Variants in ATM observed in about 807,000 individuals in gnomAD.
The protein encoded by ATM is ATM serine/threonine kinase, also known as serine-protein kinase ATM.
Under a neutral mutation model 387.0 loss-of-function variants are expected in ATM, and 308 were observed. The observed-to-expected ratio is 0.80, with a 90% CI of 0.73 to 0.87. The LOEUF (loss-of-function observed/expected upper bound fraction) is 0.87. Among genes scored for constraint, ATM ranks in the 40% least tolerant of loss-of-function variants. ATM has a pLI of 0.00. For missense variants in ATM, 3,312 were observed against 3,560.9 expected, an observed-to-expected ratio of 0.93 and a Z score of 1.78; for synonymous variants, 1,156 against 1,187.3, an observed-to-expected ratio of 0.97 and a Z score of 0.54.
In ATM at chr11:108,301,712, A is replaced by G. The variant is rs876658175; in HGVS notation, c.5242A>G (p.Ser1748Gly). 1.2e-6 allele frequency: 2 copies of G among 1,613,762 alleles called. No individual in the cohort carries two copies. The highest frequency in any genetic ancestry group is 1.7e-6 in the Non-Finnish European group (2 of 1,179,794). Residue 1748 changes from serine (S) to glycine (G), a missense_variant, in exon 35 of 63, where the codon AGT becomes GGT. Ser to Gly is a moderately conservative substitution (Grantham distance 56). This residue lies in a region of ATM where 1,405 missense variants were observed against 1,604.4 expected (regional missense o/e 0.88). Transcript: ENST00000675843. ...KNILATKTGH[S>G]FWEIYKMTTD... ...CATTTTAGCCACAAAGACTGGACATAGTTTCTGGGAGATTTATAAGATGAC... is the reference window on the plus strand; with the variant it reads ...CATTTTAGCCACAAAGACTGGACATGGTTTCTGGGAGATTTATAAGATGAC...
At chr11:108,285,613 T>TC (rs1051153099) in intron 26 of ATM, among the ~76,000 whole-genome samples, 7 of 151,868 alleles carry the variant, frequency 4.6e-5, no homozygotes, top group African/African-American at 1.7e-4. Context: ...AAGGGACCTT[T>TC]TTTTTTTTTA....
chr11:108,235,606 C>T (rs2135119068), intron 4 of ATM, 64 bp from the exon 5 acceptor site: 3 of 1,352,582 alleles, frequency 2.2e-6, no homozygotes, highest in Non-Finnish European at 3.1e-6. Context: ...TAAATAGTTG[C>T]CATTCCAAGT....
Position 108,328,989 on chromosome 11 carries a change from A to G in ATM, c.7090-32A>G, listed in dbSNP as rs770359985. 5.7e-6 allele frequency: 9 copies of G among 1,578,900 alleles called. No homozygotes were observed. In the Admixed American group the frequency reaches 1.2e-4, roughly 21 times the overall value. On this transcript the variant is annotated intron_variant, in intron 48 of 62. Transcript: ENST00000675843. ...CTTTAGATGTATTTAGTATTTGTAA[A>G]TATAATTTAAATTGGTTGTGTTTTC...
intron 56 of ATM, chr11:108,336,213 G>A (rs1169258987): frequency 7.5e-6 from 3 of 400,604 alleles, no homozygotes; most frequent in Middle Eastern, 7.8e-4. Flanking sequence ...GCTGAGGTGG[G>A]AGGATCACTT....
intron 39 of ATM, among the ~76,000 whole-genome samples, chr11:108,311,133 A>AT (rs146797282): frequency 6.6e-6 from 1 of 151,512 alleles, no homozygotes; most frequent in South Asian, 2.1e-4. Flanking sequence ...CATCCAACTC[A>AT]TTTTTTTTAA....
chr11:108,261,167 G>C (rs866965702), intron 16 of ATM, among the ~76,000 whole-genome samples: 66 of 151,448 alleles, frequency 4.4e-4, no homozygotes, highest in African/African-American at 1.5e-3. Context: ...GCCTCTGTAG[G>C]CTCCACCTCT....
chr11:108,265,339 A>C (rs2081165021), intron 16 of ATM, among the ~76,000 whole-genome samples: 1 of 152,138 alleles, frequency 6.6e-6, no homozygotes, highest in Admixed American at 6.5e-5. Context: ...CATATCTACA[A>C]CTATCTGCTC....
chr11:108,319,928 A>AT lies in ATM; in HGVS notation c.6348-19dup, dbSNP rs1565508524. 1 of 1,521,532 alleles carries AT rather than the reference A, an allele frequency of 6.6e-7. No homozygotes were observed. Among genetic ancestry groups the AT allele is most frequent in the South Asian group, 1.1e-5 (1 of 89,070 alleles). The allele number at this position is 1,521,532 out of a possible 1,614,324, so 94.3% of individuals were successfully genotyped here. On this transcript the variant is annotated intron_variant, in intron 43 of 62. Coordinates refer to ENST00000675843, the MANE Select transcript of ATM (RefSeq NM_000051.4). ...ATCTTAGGGTTCTGTTTTTAAGTAT[A>AT]TTTTTTTCTTTGACTTATCTCACAG...
At position 108,229,168 on chromosome 11, in the gene ATM, T is replaced by C. The variant is rs773957101; in HGVS notation, c.186-10T>C. On this transcript the variant is annotated splice_polypyrimidine_tract_variant and intron_variant, in intron 3 of 62. Transcript: ENST00000675843. Reference sequence around the variant, plus strand: ...ACGAGTTTCTGAAATTGCATTTTGTTTTCTTGAAGATTTTTACAGAAATAT... The same window carrying C: ...ACGAGTTTCTGAAATTGCATTTTGTCTTCTTGAAGATTTTTACAGAAATAT... 1.9e-6 allele frequency: 3 copies of C among 1,608,020 alleles called. No homozygotes were observed. The highest frequency in any genetic ancestry group is 1.7e-6 in the Non-Finnish European group (2 of 1,176,500).
chr11:108,236,769 GTT>G (rs2079299590), intron 5 of ATM, among the ~76,000 whole-genome samples: 1 of 152,088 alleles, frequency 6.6e-6, no homozygotes, highest in Non-Finnish European at 1.5e-5. Flanking sequence ...GGAATCTGGT[GTT>G]GTTTCCTGTT....
chr11:108,240,561 C>T (rs2079504512), intron 5 of ATM, among the ~76,000 whole-genome samples: 1 of 152,184 alleles, frequency 6.6e-6, no homozygotes, highest in Admixed American at 6.5e-5. Flanking sequence ...CAAACCTGTG[C>T]AGCATGTTAC....
At chr11:108,329,482 C>G (rs543902366) in intron 49 of ATM, among the ~76,000 whole-genome samples, 1 of 151,808 alleles carries the variant, frequency 6.6e-6, no homozygotes, top group Non-Finnish European at 1.5e-5. Context: ...TCACTGTACT[C>G]CAGCTCACTG....
chr11:108,246,593 C>G (rs1276424607), intron 7 of ATM, among the ~76,000 whole-genome samples: 2 of 152,250 alleles, frequency 1.3e-5, no homozygotes, highest in East Asian at 1.9e-4. Context: ...CATTTTTACA[C>G]TAGTTGAAGG....
intron 61 of ATM, among the ~76,000 whole-genome samples, chr11:108,364,645 C>T (rs965189744): frequency 2.6e-5 from 4 of 152,160 alleles, no homozygotes; most frequent in African/African-American, 7.2e-5. Flanking sequence ...TTGGAGAAGA[C>T]GGCTTAGGAG....
At chr11:108,224,858 A>G (rs1014922881) in intron 1 of ATM, 3 of 152,236 alleles carry the variant, frequency 2.0e-5, no homozygotes, top group African/African-American at 7.2e-5. Context: ...CTGCCCAGAT[A>G]TGACTTCATG....
At chr11:108,284,682 T>C (rs1325907010) in intron 26 of ATM, among the ~76,000 whole-genome samples, 1 of 152,216 alleles carries the variant, frequency 6.6e-6, no homozygotes, top group Non-Finnish European at 1.5e-5. Context: ...AGAAATGTTT[T>C]AAATTAGAAA....
At chr11:108,255,378 G>A (rs976710544) in intron 13 of ATM, among the ~76,000 whole-genome samples, 2 of 149,748 alleles carry the variant, frequency 1.3e-5, no homozygotes, top group African/African-American at 4.9e-5. Context: ...AACATTTTGT[G>A]TGTAACTTAG....
chr11:108,354,033 C>G (rs1457128124), intron 60 of ATM, among the ~76,000 whole-genome samples, 153 bp downstream of exon 60: 1 of 150,088 alleles, frequency 6.7e-6, no homozygotes, highest in Non-Finnish European at 1.5e-5. Flanking sequence ...CTAGGCAATA[C>G]AGCAAGACCC....
Position 108,329,113 on chromosome 11 carries a change from A to G in ATM, c.7182A>G (p.Ser2394=), listed in dbSNP as rs976994998. ...MKAFLSLARF[S]DTQYQRIENY... ...CATTTCTCTCATTAGCCCGGTTTTC[A>G]GATACTCAATACCAAAGAATTGAAA... The change falls in exon 49 of 63, where the codon TCA becomes TCG. Residue 2394 remains serine, a synonymous_variant. Transcript: ENST00000675843. The G allele has an allele frequency of 6.2e-7, 1 of 1,614,138 alleles. No individual in the cohort carries two copies. Among genetic ancestry groups the G allele is most frequent in the Non-Finnish European group, 8.5e-7 (1 of 1,180,016 alleles).
Sources: gnomAD v4.1 joint callset for allele counts (sites outside exome capture counted in the v4.1 genomes callset) on GRCh38, gnomAD v4.1.1 for gene constraint, gnomAD v4.1.1 regional missense constraint, MANE v1.5 for transcripts, NCBI Gene and HGNC (gene_info 2026-07-23, HGNC 2026-07-21) for gene names.